The following PPHLN1 variants were observed in gnomAD, a reference collection of about 807,000 sequenced individuals.
PPHLN1 encodes periphilin 1.
Under a neutral mutation model 51.3 loss-of-function variants are expected in PPHLN1, and 29 were observed. The ratio of observed to expected loss-of-function variants is 0.57; its 90% confidence interval spans 0.42 to 0.77. The LOEUF is 0.77. Among genes scored for constraint, PPHLN1 ranks in the 30% least tolerant of loss-of-function variants. The probability of loss-of-function intolerance (pLI) is 0.00; values close to 1 mark genes in which losing one functional copy is unlikely to be tolerated. For missense variants in PPHLN1, 436 were observed against 438.4 expected (o/e 0.99, Z 0.05); for synonymous variants, 147 against 147.8 (o/e 0.99, Z 0.04).
rs774290852 is a variant in PPHLN1, at chr12:42,393,600, A to G, written c.679A>G (p.Lys227Glu). ...VLDKPSRLTE[K>E]ELAEAASKWA... is the part of the protein sequence containing the mutation. ...AGACAAACCCAGTAGGCTAACTGAA[A>G]AGGAACTTGCTGAGGCTGCAAGCAA... is the stretch of plus-strand genomic sequence containing the variant. Residue 227 changes from lysine to glutamate, a missense_variant, in exon 8 of 10, where the codon AAG becomes GAG. Transcript: ENST00000358314. 1.2e-6 allele frequency: 2 copies of G among 1,610,122 alleles called. No individual in the cohort carries two copies. Among genetic ancestry groups the G allele is most frequent in the Admixed American group, 3.4e-5 (2 of 58,850 alleles).
At position 42,384,956 on chromosome 12, in the gene PPHLN1, T is replaced by A; in HGVS notation, c.528T>A (p.Gly176=). 1.9e-6 allele frequency: 3 copies of A among 1,611,590 alleles called. No homozygotes were observed. Among genetic ancestry groups the A allele is most frequent in the Non-Finnish European group, 2.5e-6 (3 of 1,177,638 alleles). The change falls in exon 6 of 10, where the codon GGT becomes GGA. Residue 176 remains glycine (G), a synonymous_variant. Coordinates refer to ENST00000358314, the MANE Select transcript of PPHLN1 (RefSeq NM_201439.2). ...QSQHRKSVRP[G]ASYKRQNEGN... is the part of the protein sequence containing the mutation. ...TTTCCATAGAGTCCGTGCGTCCTGG[T>A]GCCTCCTACAAACGGCAGAATGAAG...
chr12:42,403,645 A>T (rs2079032754), intron 9 of PPHLN1, among the ~76,000 whole-genome samples: 1 of 152,228 alleles, frequency 6.6e-6, no homozygotes, highest in Admixed American at 6.5e-5. Context: ...TATAAAATCT[A>T]GATAGTACAG....
At chr12:42,343,892 C>A in intron 2 of PPHLN1, 1 of 446,072 alleles carries the variant, frequency 2.2e-6, no homozygotes, top group Non-Finnish European at 4.5e-6. Context: ...ACCAATATTT[C>A]ATTCAAGAAT....
intron 9 of PPHLN1, among the ~76,000 whole-genome samples, chr12:42,423,418 A>G (rs955892200): frequency 2.6e-5 from 4 of 152,242 alleles, no homozygotes; most frequent in African/African-American, 4.8e-5. Context: ...TGCTATTTAT[A>G]TTAGTTATGA....
chr12:42,412,699 A>T (rs2079985699), intron 9 of PPHLN1, among the ~76,000 whole-genome samples: 1 of 152,156 alleles, frequency 6.6e-6, no homozygotes, highest in African/African-American at 2.4e-5. Context: ...TTAAATCTCC[A>T]TACTGTTTTC....
chr12:42,374,706 G>T, intron 4 of PPHLN1, 157 bp from the exon 5 acceptor site: 1 of 544,002 alleles, frequency 1.8e-6, no homozygotes. Flanking sequence ...TGCCCGTCTC[G>T]GCCTCCCAAA....
At chr12:42,431,792 T>C in intron 9 of PPHLN1, 1 of 1,140,720 alleles carries the variant, frequency 8.8e-7, no homozygotes, top group Admixed American at 1.7e-5. Context: ...TCGGGCTATT[T>C]ATTGCCTTTT....
intron 9 of PPHLN1, among the ~76,000 whole-genome samples, chr12:42,422,534 T>G (rs1433268530): frequency 1.3e-5 from 2 of 152,220 alleles, no homozygotes; most frequent in Non-Finnish European, 2.9e-5. Flanking sequence ...AAACAAAGAT[T>G]TTTATTTCTG....
chr12:42,408,379 C>CT (rs35437760), intron 9 of PPHLN1, among the ~76,000 whole-genome samples: 42,601 of 142,194 alleles, frequency 0.3, 7,011 homozygotes, highest in Middle Eastern at 0.4. Flanking sequence ...AGTGTGGTGG[C>CT]TTTTTTTTTT....
chr12:42,342,099 C>T (rs1236103933), intron 2 of PPHLN1, among the ~76,000 whole-genome samples: 3 of 150,432 alleles, frequency 2.0e-5, no homozygotes, highest in Non-Finnish European at 4.5e-5. Context: ...TCAGTCACCA[C>T]AGAATATCTA....
intron 9 of PPHLN1, among the ~76,000 whole-genome samples, chr12:42,428,190 A>G (rs1301069859): frequency 6.6e-6 from 1 of 152,242 alleles, no homozygotes; most frequent in Non-Finnish European, 1.5e-5. Flanking sequence ...CCATTATGGA[A>G]AACGGTGTGG....
At chr12:42,336,757 A>G (rs1004686948) in intron 2 of PPHLN1, among the ~76,000 whole-genome samples, 1 of 152,208 alleles carries the variant, frequency 6.6e-6, no homozygotes, top group African/African-American at 2.4e-5. Context: ...TTAAAAAGCT[A>G]ACTTAAACTT....
At chr12:42,348,260 A>C (rs1198144641) in intron 2 of PPHLN1, among the ~76,000 whole-genome samples, 2 of 141,636 alleles carry the variant, frequency 1.4e-5, no homozygotes, top group Non-Finnish European at 1.5e-5. Flanking sequence ...ACAGGCATGC[A>C]CACCTCACCT....
chr12:42,345,965 A>G (rs894709865), intron 2 of PPHLN1, among the ~76,000 whole-genome samples: 1 of 152,134 alleles, frequency 6.6e-6, no homozygotes, highest in Admixed American at 6.5e-5. Flanking sequence ...GAGATTCACA[A>G]CATGATGTTA....
At chr12:42,407,957 C>T (rs1452329790) in intron 9 of PPHLN1, among the ~76,000 whole-genome samples, 2 of 152,126 alleles carry the variant, frequency 1.3e-5, no homozygotes, top group Admixed American at 6.5e-5. Context: ...TACTCAGAGC[C>T]AACTGTACCA....
intron 4 of PPHLN1, among the ~76,000 whole-genome samples, chr12:42,363,462 G>A (rs1353879878): frequency 1.3e-5 from 2 of 148,506 alleles, no homozygotes; most frequent in Non-Finnish European, 3.0e-5. Flanking sequence ...TTTTCATTTT[G>A]TTATGTGTTT....
At chr12:42,335,204 T>C (rs901585986) in intron 1 of PPHLN1, among the ~76,000 whole-genome samples, 2 of 152,074 alleles carry the variant, frequency 1.3e-5, no homozygotes, top group Non-Finnish European at 1.5e-5. Flanking sequence ...ATGAAAAGAA[T>C]ACACCGTCCC....
In PPHLN1 at chr12:42,436,420, C is replaced by T. The variant is rs140806951; in HGVS notation, c.910-4895C>T. ...ATAAAATCAATCTCTTCCTCACTTG[C>T]GTTTATTTCTTCAGAAGTCCAGACT... On this transcript the variant is annotated intron_variant, in intron 9 of 9. Transcript: ENST00000358314. Among the ~76,000 whole-genome samples the T allele has an allele frequency of 2.5e-3, 375 of 152,282 alleles. 3 individuals carry two copies. Among genetic ancestry groups the T allele is most frequent in the Non-Finnish European group, 8.4e-4 (57 of 68,010 alleles).
intron 1 of PPHLN1, among the ~76,000 whole-genome samples, chr12:42,330,294 C>G (rs188275296): frequency 1.1e-3 from 172 of 152,286 alleles, no homozygotes; most frequent in Non-Finnish European, 1.9e-3. Context: ...AGAGGCCTTC[C>G]TCTTACCTCA....
Sources: gnomAD v4.1 joint callset for allele counts (sites outside exome capture counted in the v4.1 genomes callset) on GRCh38, gnomAD v4.1.1 for gene constraint, MANE v1.5 for transcripts, NCBI Gene and HGNC (gene_info 2026-07-23, HGNC 2026-07-21) for gene names.